SEMA3E: variants seen among roughly 807,000 people sequenced by gnomAD.
The protein encoded by SEMA3E is semaphorin-3E.
Under a neutral mutation model 93.6 loss-of-function variants are expected in SEMA3E, and 49 were observed. The ratio of observed to expected loss-of-function variants is 0.52; its 90% confidence interval spans 0.42 to 0.66. The LOEUF is 0.66. SEMA3E is among the 30% of genes least tolerant of loss of function. The probability of loss-of-function intolerance (pLI) is 0.00; values close to 1 mark genes in which losing one functional copy is unlikely to be tolerated. For synonymous variants in SEMA3E, 363 were observed against 330.7 expected (o/e 1.10, Z -1.06); for missense variants, 906 against 964.8 (o/e 0.94, Z 0.81).
intron 16 of SEMA3E, among the ~76,000 whole-genome samples, chr7:83,377,914 G>A (rs1365102662): frequency 6.6e-6 from 1 of 151,896 alleles, no homozygotes; most frequent in Non-Finnish European, 1.5e-5. Flanking sequence ...CAACAAGAAT[G>A]AATTTCTCCA....
intron 1 of SEMA3E, among the ~76,000 whole-genome samples, chr7:83,618,356 A>G (rs902457176): frequency 6.6e-6 from 1 of 152,050 alleles, no homozygotes; most frequent in African/African-American, 2.4e-5. Flanking sequence ...CTCTGATCTC[A>G]TTATACAGCT....
intron 1 of SEMA3E, among the ~76,000 whole-genome samples, chr7:83,504,111 A>G (rs981372225): frequency 3.3e-5 from 5 of 152,200 alleles, no homozygotes; most frequent in African/African-American, 1.2e-4. Flanking sequence ...AAATGGTTGC[A>G]CCTTTAAAAA....
chr7:83,550,430 A>G (rs949972061), intron 1 of SEMA3E, among the ~76,000 whole-genome samples: 1 of 152,128 alleles, frequency 6.6e-6, no homozygotes, highest in African/African-American at 2.4e-5. Context: ...TCAACATTTT[A>G]TATGAGTCTG....
At chr7:83,433,697 G>A (rs1788935467) in intron 4 of SEMA3E, among the ~76,000 whole-genome samples, 1 of 152,038 alleles carries the variant, frequency 6.6e-6, no homozygotes, top group Non-Finnish European at 1.5e-5. Context: ...TTGAAGTATA[G>A]ATTTACAAAA....
chr7:83,621,096 C>G (rs1478642184), intron 1 of SEMA3E, among the ~76,000 whole-genome samples: 1 of 152,042 alleles, frequency 6.6e-6, no homozygotes, highest in Non-Finnish European at 1.5e-5. Flanking sequence ...CTAGACAATC[C>G]TACCATCTCA....
intron 4 of SEMA3E, among the ~76,000 whole-genome samples, chr7:83,436,064 A>T (rs1447808890): frequency 6.6e-6 from 1 of 152,082 alleles, no homozygotes; most frequent in South Asian, 2.1e-4. Flanking sequence ...TGGGGACCAT[A>T]ATATCAATAC....
intron 1 of SEMA3E, among the ~76,000 whole-genome samples, chr7:83,635,605 T>C (rs531755630): frequency 6.6e-6 from 1 of 152,060 alleles, no homozygotes; most frequent in East Asian, 1.9e-4. Flanking sequence ...CAAAATATAT[T>C]ATCAATTGAT....
intron 14 of SEMA3E, 31 bp from the exon 15 acceptor site, chr7:83,387,081 ATTT>A (rs757203015): frequency 6.3e-7 from 1 of 1,596,506 alleles, no homozygotes; most frequent in Non-Finnish European, 8.6e-7. Flanking sequence ...TTAGATGTTC[ATTT>A]TTTCAATTTT....
At chr7:83,397,133 A>G (rs1788138504) in intron 11 of SEMA3E, among the ~76,000 whole-genome samples, 1 of 152,006 alleles carries the variant, frequency 6.6e-6, no homozygotes, top group Non-Finnish European at 1.5e-5. Context: ...TGAAATCCAG[A>G]GGCATGAAAC....
chr7:83,545,853 G>C (rs915475170), intron 1 of SEMA3E, among the ~76,000 whole-genome samples: 1 of 143,694 alleles, frequency 7.0e-6, no homozygotes, highest in Non-Finnish European at 1.5e-5. Context: ...GTAGTATGAC[G>C]GATATCTATA....
intron 2 of SEMA3E, among the ~76,000 whole-genome samples, chr7:83,483,126 A>G (rs1403742209): frequency 6.6e-6 from 1 of 152,190 alleles, no homozygotes. Context: ...CAGAAAAAAA[A>G]AAAAGTCATT....
intron 1 of SEMA3E, among the ~76,000 whole-genome samples, chr7:83,565,499 T>C (rs1343756180): frequency 6.6e-6 from 1 of 152,128 alleles, no homozygotes; most frequent in East Asian, 1.9e-4. Context: ...TCTGCACATA[T>C]ATCCTGGAAC....
chr7:83,441,494 AC>A (rs1413952407), intron 4 of SEMA3E, among the ~76,000 whole-genome samples: 1 of 152,234 alleles, frequency 6.6e-6, no homozygotes, highest in Admixed American at 6.5e-5. Flanking sequence ...GAAAATAAGT[AC>A]AAAAAAGAAA....
chr7:83,439,479 C>T (rs940440123), intron 4 of SEMA3E, among the ~76,000 whole-genome samples: 1 of 152,244 alleles, frequency 6.6e-6, no homozygotes, highest in Non-Finnish European at 1.5e-5. Flanking sequence ...AGGCTAAGGG[C>T]TTTTTGGTTG....
Position 83,469,229 on chromosome 7 carries a change from T to C in SEMA3E, c.336+14A>G. 6.3e-7 allele frequency: 1 copy of C among 1,591,726 alleles called. No individual in the cohort carries two copies. Among genetic ancestry groups the C allele is most frequent in the Non-Finnish European group, 8.6e-7 (1 of 1,160,286 alleles). On this transcript the variant is annotated intron_variant, in intron 3 of 16. Coordinates refer to ENST00000643230, the MANE Select transcript of SEMA3E (RefSeq NM_012431.3). ...AATTGATGATTTGTTTAATTTACAA[T>C]GAATCATACTTACCGCATCTTTTCC...
At chr7:83,525,391 C>G (rs991701169) in intron 1 of SEMA3E, among the ~76,000 whole-genome samples, 1 of 151,998 alleles carries the variant, frequency 6.6e-6, no homozygotes, top group Non-Finnish European at 1.5e-5. Context: ...CTCTCTCAAT[C>G]TAAAAATACA....
intron 1 of SEMA3E, among the ~76,000 whole-genome samples, chr7:83,551,766 ATTTT>A (rs768572915): frequency 5.3e-5 from 8 of 152,126 alleles, no homozygotes; most frequent in Admixed American, 2.0e-4. Flanking sequence ...CACTATTGAC[ATTTT>A]GGCTCAGATA....
chr7:83,429,994 G>T (rs1788849096), intron 4 of SEMA3E, among the ~76,000 whole-genome samples: 1 of 151,978 alleles, frequency 6.6e-6, no homozygotes, highest in South Asian at 2.1e-4. Flanking sequence ...TATTTACATT[G>T]TATTGTGATT....
chr7:83,457,812 A>G (rs761137608), intron 4 of SEMA3E, among the ~76,000 whole-genome samples: 2 of 152,146 alleles, frequency 1.3e-5, no homozygotes, highest in South Asian at 2.1e-4. Flanking sequence ...TCTTCCACCA[A>G]CTTATCCCAG....
Sources: allele counts gnomAD v4.1 joint callset (sites outside exome capture counted in the v4.1 genomes callset), GRCh38; gene constraint gnomAD v4.1.1; transcripts MANE v1.5; gene names NCBI Gene and HGNC (gene_info 2026-07-23, HGNC 2026-07-21).